ZHX2: variants seen among roughly 807,000 people sequenced by gnomAD.
ZHX2 encodes zinc fingers and homeoboxes protein 2.
In ZHX2, 6 loss-of-function variants were observed where a neutral mutation model predicts 21.9. The observed-to-expected ratio is 0.27, with a 90% CI of 0.15 to 0.54. ZHX2 has a LOEUF of 0.54. Ranked by LOEUF, ZHX2 falls within the 20% of genes least tolerant of loss-of-function variation. ZHX2 has a pLI of 0.95. For missense variants in ZHX2, 908 were observed against 1,090.7 expected (o/e 0.83, Z 2.36); for synonymous variants, 434 against 437.1 (o/e 0.99, Z 0.09).
chr8:122,942,895 G>T, intron 2 of ZHX2, among the ~76,000 whole-genome samples: 1 of 152,208 alleles, frequency 6.6e-6, no homozygotes, highest in Non-Finnish European at 1.5e-5. Context: ...TTCTTGGGGA[G>T]CCTTACAGAG....
chr8:122,955,696 T>C (rs182259025), intron 3 of ZHX2, among the ~76,000 whole-genome samples: 1 of 152,004 alleles, frequency 6.6e-6, no homozygotes, highest in East Asian at 1.9e-4. Context: ...GGGGAGGGCG[T>C]GAGTGAAAGG....
chr8:122,913,733 A>G (rs1239994685), intron 2 of ZHX2, among the ~76,000 whole-genome samples: 2 of 152,202 alleles, frequency 1.3e-5, no homozygotes, highest in Non-Finnish European at 2.9e-5. Context: ...TTTAAATATG[A>G]CACCCTCCTT....
intron 1 of ZHX2, among the ~76,000 whole-genome samples, chr8:122,827,623 A>G (rs1235011882): frequency 6.6e-6 from 1 of 151,972 alleles, no homozygotes; most frequent in Non-Finnish European, 1.5e-5. Flanking sequence ...TTTAGGGGAA[A>G]AAAAGAGAAT....
At chr8:122,916,138 C>T (rs183109444) in intron 2 of ZHX2, among the ~76,000 whole-genome samples, 8 of 152,338 alleles carry the variant, frequency 5.3e-5, no homozygotes, top group Non-Finnish European at 8.8e-5. Flanking sequence ...TCAGAGCATC[C>T]GCCTGGCTCT....
upstream of ZHX2, chr8:122,780,475 G>C (rs1347028888): frequency 6.6e-6 from 1 of 152,350 alleles, no homozygotes; most frequent in Admixed American, 6.5e-5. Context: ...GCCAGCCCAG[G>C]GGGAAACAAG....
intron 3 of ZHX2, among the ~76,000 whole-genome samples, chr8:122,967,217 G>A (rs1426028695): frequency 6.6e-6 from 1 of 152,210 alleles, no homozygotes; most frequent in Admixed American, 6.5e-5. Context: ...GAGTGTTTTA[G>A]AACCTTGTTT....
intron 1 of ZHX2, among the ~76,000 whole-genome samples, chr8:122,853,641 C>T (rs903221489): frequency 3.3e-5 from 5 of 152,242 alleles, no homozygotes; most frequent in African/African-American, 4.8e-5. Context: ...CTCACCCCTC[C>T]GCTCCCCTCC....
At chr8:122,851,487 C>T (rs1189009132) in intron 1 of ZHX2, among the ~76,000 whole-genome samples, 1 of 152,210 alleles carries the variant, frequency 6.6e-6, no homozygotes, top group Non-Finnish European at 1.5e-5. Context: ...CCCCATCAAT[C>T]TCCATCCCTT....
chr8:122,903,038 C>A (rs1281701559), intron 2 of ZHX2, among the ~76,000 whole-genome samples: 3 of 152,190 alleles, frequency 2.0e-5, no homozygotes, highest in Non-Finnish European at 4.4e-5. Context: ...CTCTTTCCAT[C>A]TCTAGGACCC....
chr8:122,949,711 A>G (rs1459533486), intron 2 of ZHX2, among the ~76,000 whole-genome samples: 1 of 152,088 alleles, frequency 6.6e-6, no homozygotes, highest in Non-Finnish European at 1.5e-5. Context: ...CTAAAAATAA[A>G]AATTAAATGA....
At chr8:122,788,080 G>C in intron 1 of ZHX2, among the ~76,000 whole-genome samples, 1 of 152,190 alleles carries the variant, frequency 6.6e-6, no homozygotes, top group East Asian at 1.9e-4. Context: ...GATGCACAAA[G>C]CTCCCCACAT....
At chr8:122,925,282 A>G (rs1820822753) in intron 2 of ZHX2, among the ~76,000 whole-genome samples, 1 of 152,212 alleles carries the variant, frequency 6.6e-6, no homozygotes, top group Non-Finnish European at 1.5e-5. Flanking sequence ...TGCAAATTGC[A>G]CTAGACGTCA....
chr8:122,943,003 T>C (rs1032167700), intron 2 of ZHX2, among the ~76,000 whole-genome samples: 4 of 152,130 alleles, frequency 2.6e-5, no homozygotes, highest in Non-Finnish European at 5.9e-5. Flanking sequence ...GGCTCATGCC[T>C]GTAATCCCAG....
chr8:122,936,445 G>A (rs1812693139), intron 2 of ZHX2, among the ~76,000 whole-genome samples: 2 of 152,306 alleles, frequency 1.3e-5, no homozygotes, highest in South Asian at 4.1e-4. Context: ...GGAATGGTGT[G>A]GGGTTAGAAC....
At chr8:122,805,937 C>G (rs1424020169) in intron 1 of ZHX2, among the ~76,000 whole-genome samples, 1 of 152,168 alleles carries the variant, frequency 6.6e-6, no homozygotes, top group Admixed American at 6.5e-5. Context: ...GTTCCTCTAC[C>G]TTGTTGCCAG....
chr8:122,853,602 C>G (rs1383412685), intron 1 of ZHX2, among the ~76,000 whole-genome samples: 3 of 152,198 alleles, frequency 2.0e-5, no homozygotes, highest in African/African-American at 7.2e-5. Flanking sequence ...AGCCAGGCTG[C>G]TCCTTTCAGC....
chr8:122,913,276 C>T (rs1334334687), intron 2 of ZHX2, among the ~76,000 whole-genome samples: 1 of 152,212 alleles, frequency 6.6e-6, no homozygotes, highest in Admixed American at 6.5e-5. Flanking sequence ...AGCCATGCAT[C>T]TGTTAATGAA....
chr8:122,876,001 TCCATCCATCCATC>T lies in ZHX2; in HGVS notation c.-220+12467_-220+12479del, dbSNP rs1819562361. ...GACATCTATAATTTGGGTTTTGGCA[TCCATCCATCCATC>T]CCATTCATCCATCCATCCCTCCACC... is the stretch of plus-strand genomic sequence containing the variant. On this transcript the variant is annotated intron_variant, in intron 2 of 3. Coordinates refer to ENST00000314393, the MANE Select transcript of ZHX2 (RefSeq NM_014943.5). Among the ~76,000 whole-genome samples the T allele has an allele frequency of 3.3e-5, 5 of 152,212 alleles. No individual in the cohort carries two copies. The South Asian group carries it at 1.0e-3, about 32-fold the overall frequency.
chr8:122,972,021 G>A (rs533920514), intron 3 of ZHX2, among the ~76,000 whole-genome samples: 13 of 152,296 alleles, frequency 8.5e-5, no homozygotes, highest in South Asian at 6.2e-4. Flanking sequence ...GGTGTCTGCC[G>A]ACAGTCTTTT....
Sources: gnomAD v4.1 joint callset for allele counts (sites outside exome capture counted in the v4.1 genomes callset) on GRCh38, gnomAD v4.1.1 for gene constraint, MANE v1.5 for transcripts, NCBI Gene and HGNC (gene_info 2026-07-23, HGNC 2026-07-21) for gene names.